The following CABP2 variants were observed in gnomAD, a reference collection of about 807,000 sequenced individuals.
The protein encoded by CABP2 is calcium-binding protein 2.
In CABP2, 25 loss-of-function variants were observed where a neutral mutation model predicts 28.6. The ratio of observed to expected loss-of-function variants is 0.87; its 90% CI spans 0.64 to 1.22. The LOEUF is 1.22. Among genes scored for constraint, CABP2 ranks in the 50% most tolerant of loss-of-function variants. CABP2 has a pLI of 0.00. For missense variants in CABP2, 310 were observed against 312.2 expected (o/e 0.99, Z 0.05); for synonymous variants, 138 against 126.0 (o/e 1.09, Z -0.64).
Position 67,518,970 on chromosome 11 carries a change from T to C in CABP2, c.*169A>G. On this transcript the variant is annotated 3_prime_UTR_variant, in exon 7 of 7. Transcript: ENST00000294288. The stretch of plus-strand genomic sequence containing the variant: ...GAGACAGAGACAAGGCCAGGCGGCT[T>C]TATTGGAGAAGTGGTGGTGGGGGTG... The C allele has an allele frequency of 1.6e-6, 1 of 645,118 alleles. No individual in the cohort carries two copies. The highest frequency in any genetic ancestry group is 2.8e-6 in the Non-Finnish European group (1 of 358,932). The allele number at this position is 645,118 out of a possible 1,614,324, so 40.0% of individuals were successfully genotyped here. A position where few individuals can be genotyped will look rare whatever the true frequency, so the allele number is the denominator to read the frequency against.
rs767124487 is a variant in CABP2 at position 67,521,976 on chromosome 11, C to T, written c.220G>A (p.Glu74Lys). The change falls in exon 3 of 7, where the codon GAG becomes AAG. Residue 74 changes from glutamate (E) to lysine (K), a missense_variant. Transcript: ENST00000294288. ...CCTTCAATCTCCTCGGGCCGCAGCT[C>T]CCGGTCCTGAAGGGCACAGAGGGGT... is the stretch of plus-strand genomic sequence containing the variant. The part of the protein sequence containing the change: ...PSIAATQLDR[E>K]LRPEEIEELQ... 1.1e-5 allele frequency: 17 copies of T among 1,612,846 alleles called. No individual in the cohort carries two copies. The East Asian group carries it at 3.6e-4, about 34-fold the overall frequency.
At chr11:67,523,000 G>A (rs1437986467) in intron 1 of CABP2, among the ~76,000 whole-genome samples, 1 of 152,200 alleles carries the variant, frequency 6.6e-6, no homozygotes, top group African/African-American at 2.4e-5. Flanking sequence ...GCCCAGCTCT[G>A]TCTCCTAGAT....
chr11:67,521,282 C>T (rs1002821097), intron 3 of CABP2, 123 bp from the exon 4 acceptor site: 24 of 1,039,786 alleles, frequency 2.3e-5, no homozygotes, highest in African/African-American at 9.6e-5. Context: ...TTTGCTGCCT[C>T]GGGGCCTTTG....
chr11:67,522,099 G>A (rs1260460757), intron 2 of CABP2, 117 bp from the exon 3 acceptor site: 4 of 898,582 alleles, frequency 4.5e-6, no homozygotes, highest in Non-Finnish European at 1.8e-6. Flanking sequence ...CGCAGGGCCT[G>A]TGTCTGTCTG....
intron 1 of CABP2, 40 bp from the exon 2 acceptor site, chr11:67,522,756 G>C: frequency 1.4e-6 from 2 of 1,447,146 alleles, no homozygotes; most frequent in Non-Finnish European, 1.8e-6. Context: ...AGTGGCCGCT[G>C]AGCTCTGGGC....
chr11:67,519,540 T>G (rs183001594), intron 6 of CABP2, among the ~76,000 whole-genome samples: 46 of 152,360 alleles, frequency 3.0e-4, no homozygotes, highest in Admixed American at 5.9e-4. Flanking sequence ...TGGATCAGGC[T>G]GCCCAGATTC....
rs893158409 is a variant in CABP2, at chr11:67,520,695, C to T, written c.379+330G>A. On this transcript the variant is annotated intron_variant, in intron 4 of 6. Transcript: ENST00000294288. ...ACAAAAAACAAACAAACAAAAAAAC[C>T]AAAAAACTTCTTGGAACTTTCCTTA... is the stretch of plus-strand genomic sequence containing the variant. Among the ~76,000 whole-genome samples, 3 of 152,196 alleles carry T rather than the reference C, an allele frequency of 2.0e-5. 1 individual carries two copies. The highest frequency in any genetic ancestry group is 4.1e-4 in the South Asian group (2 of 4,820).
At position 67,518,998 on chromosome 11, in the gene CABP2, G is replaced by T; in HGVS notation, c.*141C>A. On this transcript the variant is annotated 3_prime_UTR_variant, in exon 7 of 7. Coordinates refer to ENST00000294288, the MANE Select transcript of CABP2 (RefSeq NM_016366.3). ...TTGGAGAAGTGGTGGTGGGGGTGAAGGCAGGCAAGGGCACTGCACACAGGT... is the reference window on the plus strand; with the variant it reads ...TTGGAGAAGTGGTGGTGGGGGTGAATGCAGGCAAGGGCACTGCACACAGGT... The T allele has an allele frequency of 1.3e-6, 1 of 790,688 alleles. No homozygotes were observed. Among genetic ancestry groups the T allele is most frequent in the Non-Finnish European group, 2.1e-6 (1 of 469,080 alleles). 49.0% of individuals were successfully genotyped at this position (790,688 alleles called of 1,614,324 possible). A position where few individuals can be genotyped will look rare whatever the true frequency, so the allele number is the denominator to read the frequency against.
At chr11:67,520,190 G>T (rs1188274523) in intron 4 of CABP2, 30 bp from the exon 5 acceptor site, 1 of 1,470,926 alleles carries the variant, frequency 6.8e-7, no homozygotes, top group Non-Finnish European at 9.5e-7. Flanking sequence ...CAGACCCAGG[G>T]CATCAGAGAC....
At chr11:67,521,870 G>GGGGCC in intron 3 of CABP2, 82 bp downstream of exon 3, 1 of 470,124 alleles carries the variant, frequency 2.1e-6, no homozygotes. Context: ...CCCACCCGAT[G>GGGGCC]CCCCCCCAAC....
At chr11:67,519,243 G>T in intron 6 of CABP2, 79 bp from the exon 7 acceptor site, 1 of 1,479,148 alleles carries the variant, frequency 6.8e-7, no homozygotes, top group Non-Finnish European at 9.5e-7. Flanking sequence ...GCCTTGGGGC[G>T]GGTGGGAGTG....
Position 67,523,323 on chromosome 11 carries a change from C to T in CABP2, c.4G>A (p.Gly2Arg), listed in dbSNP as rs1174946298. 14 of 1,553,634 alleles carry T rather than the reference C, an allele frequency of 9.0e-6. No individual in the cohort carries two copies. Reference sequence around the variant, plus strand: ...CGCCAGGGCCGCTTGGCACAGTTCCCCATGGGCCCTGAACCATGCCAGGCC... The same window carrying T: ...CGCCAGGGCCGCTTGGCACAGTTCCTCATGGGCCCTGAACCATGCCAGGCC... MGNCAKRPWRRG... is the reference protein window; with the variant it reads MRNCAKRPWRRG... The change falls in exon 1 of 7, where the codon GGG becomes AGG. Residue 2 changes from glycine (G) to arginine (R), a missense_variant. Physicochemically the swap from Gly to Arg is moderately radical, Grantham distance 125 (BLOSUM62 -2). Transcript: ENST00000294288.
In CABP2 at chr11:67,521,934, C is replaced by T. The variant is rs768487955; in HGVS notation, c.244+18G>A. 84 of 1,401,566 alleles carry T rather than the reference C, an allele frequency of 6.0e-5. No individual in the cohort carries two copies. The highest frequency in any genetic ancestry group is 7.5e-5 in the Non-Finnish European group (79 of 1,047,046). 86.8% of individuals were successfully genotyped at this position (1,401,566 alleles called of 1,614,324 possible). A position where few individuals can be genotyped will look rare whatever the true frequency, so the allele number is the denominator to read the frequency against. On this transcript the variant is annotated intron_variant, in intron 3 of 6. Coordinates refer to ENST00000294288, the MANE Select transcript of CABP2 (RefSeq NM_016366.3). The stretch of plus-strand genomic sequence containing the variant: ...CCACCTCCCCTTCAGGGAACCAGTT[C>T]CTTCTCCAACCCTTTACCTTCAATC...
chr11:67,520,455 C>A (rs1207123156), intron 4 of CABP2, among the ~76,000 whole-genome samples: 2 of 151,986 alleles, frequency 1.3e-5, no homozygotes, highest in Non-Finnish European at 2.9e-5. Context: ...GTCAGGAGTT[C>A]GAGACCAGCC....
Position 67,520,135 on chromosome 11 carries a change from G to A in CABP2, c.405C>T (p.Asp135=), listed in dbSNP as rs561728040. ...QISGGKVDFE[D]FVELMGPKLL... ...GCTTGGGGCCCATCAGCTCCACGAA[G>A]TCTTCAAAGTCCACCTTTCCGCCAC... Residue 135 remains aspartate (D), a synonymous_variant, in exon 5 of 7, where the codon GAC becomes GAT. Coordinates refer to ENST00000294288, the MANE Select transcript of CABP2 (RefSeq NM_016366.3). The A allele has an allele frequency of 8.7e-6, 14 of 1,613,910 alleles. No individual in the cohort carries two copies. In the African/African-American group the frequency reaches 1.2e-4, roughly 14 times the overall value.
In CABP2 at chr11:67,519,910, C is replaced by T. The variant is rs372607625; in HGVS notation, c.520G>A (p.Val174Met). 2.7e-5 allele frequency: 43 copies of T among 1,610,988 alleles called. No individual in the cohort carries two copies. The highest frequency in any genetic ancestry group is 3.3e-4 in the Middle Eastern group (2 of 6,060). ...FDTNGDGRISVGELRAALKAL... is the reference protein window; with the variant it reads ...FDTNGDGRISMGELRAALKAL... ...TTGAGGGCCGCCCGGAGCTCGCCCA[C>T]GCTGATGCGGCCGTCCCCATTGGTG... The change falls in exon 6 of 7, where the codon GTG (valine) becomes ATG (methionine). Residue 174 changes from valine to methionine, a missense_variant. Coordinates refer to ENST00000294288, the MANE Select transcript of CABP2 (RefSeq NM_016366.3).
chr11:67,523,280 C>T lies in CABP2; in HGVS notation c.42+5G>A. The T allele has an allele frequency of 6.4e-7, 1 of 1,554,514 alleles. No individual in the cohort carries two copies. Among genetic ancestry groups the T allele is most frequent in the African/African-American group, 1.4e-5 (1 of 73,492 alleles). On this transcript the variant is annotated splice_donor_5th_base_variant and intron_variant, in intron 1 of 6. Coordinates refer to ENST00000294288, the MANE Select transcript of CABP2 (RefSeq NM_016366.3). The stretch of plus-strand genomic sequence containing the variant: ...GGCCTGGGTTTCTCCCCTGACCCCT[C>T]CTACCTTAGGGCCCCGGCGCCAGGG...
rs977542222 is a variant in CABP2, at chr11:67,521,943, A to G, written c.244+9T>C. On this transcript the variant is annotated intron_variant, in intron 3 of 6. Coordinates refer to ENST00000294288, the MANE Select transcript of CABP2 (RefSeq NM_016366.3). ...CTTCAGGGAACCAGTTCCTTCTCCAACCCTTTACCTTCAATCTCCTCGGGC... is the reference window on the plus strand; with the variant it reads ...CTTCAGGGAACCAGTTCCTTCTCCAGCCCTTTACCTTCAATCTCCTCGGGC... The G allele has an allele frequency of 6.3e-7, 1 of 1,579,744 alleles. No homozygotes were observed. Among genetic ancestry groups the G allele is most frequent in the South Asian group, 1.1e-5 (1 of 90,102 alleles).
rs757521745 is a variant in CABP2 at position 67,522,543 on chromosome 11, TAC to T, written c.213+1_213+2del. On this transcript the variant is annotated splice_donor_variant, in intron 2 of 6. Transcript: ENST00000294288. LOFTEE classifies it high-confidence loss of function. The stretch of plus-strand genomic sequence containing the variant: ...AGGCTGGCGGGCGGGTGGCCGTACA[TAC>T]GAGTTGGGTGGCGGCAATGCTGGGC... 3 of 1,553,898 alleles carry T rather than the reference TAC, an allele frequency of 1.9e-6. No homozygotes were observed. In the South Asian group the frequency reaches 3.6e-5, roughly 18 times the overall value.
Sources: allele counts gnomAD v4.1 joint callset (sites outside exome capture counted in the v4.1 genomes callset), GRCh38; gene constraint gnomAD v4.1.1; transcripts MANE v1.5; gene names NCBI Gene and HGNC (gene_info 2026-07-23, HGNC 2026-07-21).